Variants in ZC3H7A observed in about 807,000 individuals in gnomAD.
ZC3H7A encodes the protein zinc finger CCCH-type containing 7A, also known as zinc finger CCCH domain-containing protein 7A.
A neutral mutation model predicts 125.5 loss-of-function variants in ZC3H7A; 44 were observed. That is an observed-to-expected ratio of 0.35 (90% CI 0.28 to 0.45). The LOEUF (loss-of-function observed/expected upper bound fraction) is 0.45, where lower values mean the gene tolerates loss of function less well. ZC3H7A is among the 20% of genes least tolerant of loss of function. ZC3H7A has a pLI of 1.00. For missense variants in ZC3H7A, 977 were observed against 1,170.7 expected (o/e 0.83, Z 2.41); for synonymous variants, 399 against 391.2 (o/e 1.02, Z -0.23).
chr16:11,751,696 A>G (rs1231637451), intron 22 of ZC3H7A, among the ~76,000 whole-genome samples, 190 bp from the exon 23 acceptor site: 1 of 152,192 alleles, frequency 6.6e-6, no homozygotes. Context: ...CTTTATTTAA[A>G]TATACTCTAT....
At chr16:11,762,774 A>C (rs374087686) in intron 16 of ZC3H7A, 27 bp from the exon 17 acceptor site, 422 of 1,609,884 alleles carry the variant, frequency 2.6e-4, no homozygotes, top group Non-Finnish European at 2.8e-4. Context: ...CCTTCCTTTA[A>C]ATTATATCTA....
At chr16:11,776,970 C>G (rs1372389845) in intron 4 of ZC3H7A, 61 bp from the exon 5 acceptor site, 54 of 1,411,348 alleles carry the variant, frequency 3.8e-5, no homozygotes, top group Non-Finnish European at 4.6e-5. Flanking sequence ...TGCACTGAGG[C>G]CTTCCTGTAA....
chr16:11,778,917 T>C (rs529714098), intron 4 of ZC3H7A, among the ~76,000 whole-genome samples: 33 of 152,186 alleles, frequency 2.2e-4, no homozygotes, highest in African/African-American at 7.7e-4. Flanking sequence ...TTTCACCATA[T>C]TGGCCAGGCT....
At chr16:11,775,140 A>C in intron 7 of ZC3H7A, 127 bp from the exon 8 acceptor site, 1 of 907,860 alleles carries the variant, frequency 1.1e-6, no homozygotes, top group Non-Finnish European at 1.7e-6. Flanking sequence ...GGGGAGGCCG[A>C]GACAGGCAGA....
intron 18 of ZC3H7A, 111 bp from the exon 19 acceptor site, chr16:11,761,622 G>T: frequency 1.8e-6 from 2 of 1,090,114 alleles, no homozygotes; most frequent in Non-Finnish European, 2.7e-6. Context: ...TTTTCTCAAT[G>T]CTTCTAAAAG....
At chr16:11,768,967 C>T (rs2052919065) in intron 11 of ZC3H7A, 64 bp downstream of exon 11, 6 of 1,470,084 alleles carry the variant, frequency 4.1e-6, no homozygotes, top group African/African-American at 1.4e-5. Context: ...TCAAATAACT[C>T]GGTTACTTAA....
intron 9 of ZC3H7A, 131 bp from the exon 10 acceptor site, chr16:11,771,118 G>A (rs2052973001): frequency 3.3e-6 from 3 of 914,042 alleles, no homozygotes; most frequent in African/African-American, 1.7e-5. Context: ...TTTAGGCCAG[G>A]CATGGTGGCC....
chr16:11,770,081 C>G (rs941246043), intron 10 of ZC3H7A, among the ~76,000 whole-genome samples: 1 of 152,004 alleles, frequency 6.6e-6, no homozygotes, highest in African/African-American at 2.4e-5. Context: ...GCCACCACAC[C>G]CAGCCTACTT....
rs1357740720 is a variant in ZC3H7A, at chr16:11,770,985, C to A, written c.906G>T (p.Pro302=). 6.3e-7 allele frequency: 1 copy of A among 1,591,384 alleles called. No homozygotes were observed. The change falls in exon 10 of 23, where the codon CCG becomes CCT. Residue 302 remains proline, a splice_region_variant and synonymous_variant. Coordinates refer to ENST00000355758, the MANE Select transcript of ZC3H7A (RefSeq NM_014153.4). Reference sequence around the variant, plus strand: ...GAAGGGGTCCTCTGACTAAAGCTGACGGCTGCGGAAGAAAAAAAGATGTGA... The same window carrying A: ...GAAGGGGTCCTCTGACTAAAGCTGAAGGCTGCGGAAGAAAAAAAGATGTGA... ...SAPETNETVM[P]SALVRGPLQT... is the part of the protein sequence containing the mutation.
chr16:11,778,866 A>G (rs971431936), intron 4 of ZC3H7A, among the ~76,000 whole-genome samples: 9 of 152,184 alleles, frequency 5.9e-5, no homozygotes, highest in African/African-American at 2.2e-4. Flanking sequence ...TGCACACGCC[A>G]CCATGCCCAG....
intron 19 of ZC3H7A, among the ~76,000 whole-genome samples, chr16:11,760,952 G>C (rs1196847938): frequency 6.6e-6 from 1 of 152,152 alleles, no homozygotes; most frequent in Non-Finnish European, 1.5e-5. Flanking sequence ...CTTTTAGAAA[G>C]TCTTATAAAG....
Position 11,752,184 on chromosome 16 carries a change from G to T in ZC3H7A, c.2726+485C>A, listed in dbSNP as rs1394997765. ...GCCTCCCAAAGTGCTGGGATTACAG[G>T]CGTAGCCACCATGCCCGGCTGCGTT... On this transcript the variant is annotated intron_variant, in intron 22 of 22. Transcript: ENST00000355758. 2.0e-5 allele frequency among the ~76,000 whole-genome samples: 3 copies of T among 152,266 alleles called. No individual in the cohort carries two copies. In the East Asian group the frequency reaches 5.8e-4, roughly 29 times the overall value.
intron 3 of ZC3H7A, among the ~76,000 whole-genome samples, chr16:11,781,119 T>C (rs921562373): frequency 5.3e-5 from 8 of 152,128 alleles, no homozygotes; most frequent in African/African-American, 1.2e-4. Context: ...AAGTCCTATA[T>C]AGAAGGGGTT....
At chr16:11,763,733 A>AAAG (rs2052796682) in intron 15 of ZC3H7A, 74 bp from the exon 16 acceptor site, 6 of 15,776 alleles carry the variant, frequency 3.8e-4, no homozygotes, top group African/African-American at 6.0e-4. Flanking sequence ...ATATATATAT[A>AAAG]TATATATATA....
chr16:11,779,376 A>T lies in ZC3H7A; in HGVS notation c.109-13T>A, dbSNP rs1418024626. On this transcript the variant is annotated splice_polypyrimidine_tract_variant and intron_variant, in intron 3 of 22. Transcript: ENST00000355758. ...CACGCAAATATACCTAAAAAAAAGA[A>T]AGTTACCACTTGAAGCCTTTTATCA... 2 of 1,603,502 alleles carry T rather than the reference A, an allele frequency of 1.2e-6. No individual in the cohort carries two copies. Among genetic ancestry groups the T allele is most frequent in the Non-Finnish European group, 1.7e-6 (2 of 1,176,924 alleles).
chr16:11,792,777 T>C (rs906258798), intron 1 of ZC3H7A, among the ~76,000 whole-genome samples: 10 of 152,214 alleles, frequency 6.6e-5, no homozygotes, highest in African/African-American at 2.2e-4. Context: ...TGAGAGCCTA[T>C]CCACCTGGCT....
chr16:11,797,001 C>T (rs1405179821), intron 1 of ZC3H7A, 123 bp downstream of exon 1: 2 of 147,904 alleles, frequency 1.4e-5, no homozygotes, highest in Non-Finnish European at 3.0e-5. Context: ...GCCGCCCCTC[C>T]CCCGCCCCGC....
chr16:11,792,441 C>T (rs931154021), intron 1 of ZC3H7A, among the ~76,000 whole-genome samples: 1 of 152,180 alleles, frequency 6.6e-6, no homozygotes, highest in African/African-American at 2.4e-5. Flanking sequence ...AAGTCTAGTA[C>T]AATGTTGGTA....
intron 22 of ZC3H7A, among the ~76,000 whole-genome samples, 184 bp from the exon 23 acceptor site, chr16:11,751,690 A>C (rs2052555233): frequency 6.6e-6 from 1 of 152,172 alleles, no homozygotes; most frequent in Non-Finnish European, 1.5e-5. Context: ...TCAGTACTTT[A>C]TTTAAATATA....
Sources: gnomAD v4.1 joint callset for allele counts (sites outside exome capture counted in the v4.1 genomes callset) on GRCh38, gnomAD v4.1.1 for gene constraint, MANE v1.5 for transcripts, NCBI Gene and HGNC (gene_info 2026-07-23, HGNC 2026-07-21) for gene names.